GARNL3: variants seen among roughly 807,000 people sequenced by gnomAD.
GARNL3 encodes the protein GTPase-activating Rap/Ran-GAP domain-like protein 3.
GARNL3 carries 63 observed loss-of-function variants against 125.0 expected under a neutral mutation model. The observed-to-expected ratio is 0.50, with a 90% CI of 0.41 to 0.62. GARNL3 has a LOEUF of 0.62. GARNL3 is among the 20% of genes least tolerant of loss of function. The pLI is 0.00. For synonymous variants in GARNL3, 439 were observed against 457.5 expected (o/e 0.96, Z 0.52); for missense variants, 994 against 1,244.0 (o/e 0.80, Z 3.02).
intron 7 of GARNL3, among the ~76,000 whole-genome samples, chr9:127,327,926 A>ATT (rs1311901597): frequency 6.6e-6 from 1 of 152,184 alleles, no homozygotes; most frequent in Non-Finnish European, 1.5e-5. Flanking sequence ...TAAAATTAGG[A>ATT]TTATATATAG....
intron 1 of GARNL3, among the ~76,000 whole-genome samples, chr9:127,240,225 T>TG (rs1265120905): frequency 6.6e-6 from 1 of 151,350 alleles, no homozygotes; most frequent in Non-Finnish European, 1.5e-5. Context: ...GGAAAGGGAG[T>TG]GGGGTGGGGG....
At chr9:127,370,822 C>T (rs1373547813) in intron 22 of GARNL3, among the ~76,000 whole-genome samples, 1 of 152,192 alleles carries the variant, frequency 6.6e-6, no homozygotes, top group Non-Finnish European at 1.5e-5. Flanking sequence ...TTCCATCTGG[C>T]GTGCTCATTC....
chr9:127,312,612 A>G (rs995517099), intron 3 of GARNL3, among the ~76,000 whole-genome samples: 1 of 152,210 alleles, frequency 6.6e-6, no homozygotes, highest in Non-Finnish European at 1.5e-5. Context: ...TGAGTTAGAG[A>G]AATTGCTTCT....
intron 5 of GARNL3, 107 bp downstream of exon 5, chr9:127,318,234 C>T (rs2065294706): frequency 2.5e-6 from 2 of 790,526 alleles, no homozygotes; most frequent in East Asian, 2.4e-5. Flanking sequence ...TGAGCCTTGA[C>T]TGTGTGTAAG....
At chr9:127,346,143 G>A (rs995405750) in intron 16 of GARNL3, among the ~76,000 whole-genome samples, 1 of 152,080 alleles carries the variant, frequency 6.6e-6, no homozygotes, top group African/African-American at 2.4e-5. Flanking sequence ...TAAAAACTAG[G>A]TGATCATCAA....
At chr9:127,277,984 A>G (rs2064001297) in intron 1 of GARNL3, among the ~76,000 whole-genome samples, 1 of 152,234 alleles carries the variant, frequency 6.6e-6, no homozygotes, top group Non-Finnish European at 1.5e-5. Context: ...GCTCAGTGCC[A>G]GACATCCACA....
chr9:127,293,004 A>G (rs1410546898), intron 2 of GARNL3, among the ~76,000 whole-genome samples: 4 of 152,228 alleles, frequency 2.6e-5, no homozygotes, highest in Non-Finnish European at 5.9e-5. Context: ...TTCTCTGGAA[A>G]TATAATATCA....
chr9:127,282,862 T>A (rs2064140823), intron 1 of GARNL3, among the ~76,000 whole-genome samples: 2 of 152,226 alleles, frequency 1.3e-5, no homozygotes, highest in South Asian at 4.1e-4. Flanking sequence ...TACATATTTG[T>A]ATTAATCTAA....
At chr9:127,233,171 AG>A (rs1236502926) in intron 1 of GARNL3, among the ~76,000 whole-genome samples, 1 of 152,252 alleles carries the variant, frequency 6.6e-6, no homozygotes, top group Non-Finnish European at 1.5e-5. Context: ...ACAGTGAGCC[AG>A]GATCATGCCA....
Position 127,316,146 on chromosome 9 carries a change from A to C in GARNL3, c.439-1917A>C, listed in dbSNP as rs556497384. On this transcript the variant is annotated intron_variant, in intron 4 of 27. Transcript: ENST00000373387. Reference sequence around the variant, plus strand: ...CAATCCCAGGAGCCCTGAGTTTCGCACCCACATAGGCAGCTCATGAAGGTG... The same window carrying C: ...CAATCCCAGGAGCCCTGAGTTTCGCCCCCACATAGGCAGCTCATGAAGGTG... Among the ~76,000 whole-genome samples, 4 of 152,252 alleles carry C rather than the reference A, an allele frequency of 2.6e-5. No individual in the cohort carries two copies. The South Asian group carries it at 8.3e-4, about 32-fold the overall frequency.
At chr9:127,249,791 T>C (rs1335760508) in intron 2 of GARNL3, among the ~76,000 whole-genome samples, 2 of 152,058 alleles carry the variant, frequency 1.3e-5, no homozygotes, top group African/African-American at 4.8e-5. Context: ...GTGGATCACC[T>C]GAGGTCAGGA....
At chr9:127,337,598 C>T (rs770019184) in intron 11 of GARNL3, among the ~76,000 whole-genome samples, 40 of 152,158 alleles carry the variant, frequency 2.6e-4, no homozygotes, top group Non-Finnish European at 8.8e-5. Flanking sequence ...TCTGCAAACC[C>T]CAGCACAAGC....
chr9:127,324,103 T>A (rs2065488923), intron 6 of GARNL3, among the ~76,000 whole-genome samples: 1 of 151,726 alleles, frequency 6.6e-6, no homozygotes. Context: ...TACAAAAAAA[T>A]AGCTGGGTAT....
chr9:127,299,098 C>T (rs892342969), intron 2 of GARNL3, among the ~76,000 whole-genome samples: 9 of 151,998 alleles, frequency 5.9e-5, no homozygotes, highest in African/African-American at 1.9e-4. Context: ...GGGTGGATCA[C>T]GAGGCCAGGA....
intron 1 of GARNL3, among the ~76,000 whole-genome samples, chr9:127,276,273 G>C (rs1453432755): frequency 6.6e-6 from 1 of 151,900 alleles, no homozygotes; most frequent in Non-Finnish European, 1.5e-5. Flanking sequence ...TTACAGGTCA[G>C]TCTTCATGTT....
chr9:127,384,043 G>A lies in GARNL3; in HGVS notation c.2269+498G>A, dbSNP rs1832413370. ...GATTCAAGATCCACAACTGGCCATTGCCTTTTGGAAGTCAGATCAGAGCCA... is the reference window on the plus strand; with the variant it reads ...GATTCAAGATCCACAACTGGCCATTACCTTTTGGAAGTCAGATCAGAGCCA... On this transcript the variant is annotated intron_variant, in intron 23 of 27. Transcript: ENST00000373387. This position sits in a 1 kb window ranked among gnomAD's most constrained non-coding sequence, Gnocchi z 4.0. 6.6e-6 allele frequency among the ~76,000 whole-genome samples: 1 copy of A among 152,208 alleles called. No homozygotes were observed. Among genetic ancestry groups the A allele is most frequent in the Admixed American group, 6.5e-5 (1 of 15,286 alleles).
chr9:127,377,486 T>C (rs12115838), intron 22 of GARNL3, among the ~76,000 whole-genome samples: 6,650 of 152,008 alleles, frequency 0.044, 420 homozygotes, highest in East Asian at 0.21. Flanking sequence ...TTTATAAGGA[T>C]GACATTAAAG....
intron 1 of GARNL3, among the ~76,000 whole-genome samples, chr9:127,231,004 A>C (rs2062991806): frequency 7.8e-6 from 1 of 127,882 alleles, no homozygotes; most frequent in Non-Finnish European, 1.5e-5. Flanking sequence ...ATATATACAC[A>C]TATGTGTATA....
At chr9:127,231,430 G>T (rs985430833) in intron 1 of GARNL3, among the ~76,000 whole-genome samples, 3 of 151,928 alleles carry the variant, frequency 2.0e-5, no homozygotes, top group South Asian at 4.1e-4. Flanking sequence ...TGGTGATCAA[G>T]AAATTGATGA....
Sources: allele counts gnomAD v4.1 joint callset (sites outside exome capture counted in the v4.1 genomes callset), GRCh38; gene constraint gnomAD v4.1.1; non-coding constraint Gnocchi (gnomAD v3.1); transcripts MANE v1.5; gene names NCBI Gene and HGNC (gene_info 2026-07-23, HGNC 2026-07-21).